The following ACR variants were observed in gnomAD, a reference collection of about 807,000 sequenced individuals.
ACR encodes acrosin.
A neutral mutation model predicts 26.0 loss-of-function variants in ACR; 17 were observed. That is an observed-to-expected ratio of 0.65 (90% confidence interval 0.45 to 0.98). The LOEUF is 0.98. Among genes scored for constraint, ACR ranks in the 50% least tolerant of loss-of-function variants. The pLI, the probability that ACR is intolerant of heterozygous loss-of-function variation, is 0.00. For missense variants in ACR, 435 were observed against 519.3 expected (o/e 0.84, Z 1.58); for synonymous variants, 199 against 207.7 (o/e 0.96, Z 0.36).
At chr22:50,743,179 G>A (rs1187746292) in intron 3 of ACR, among the ~76,000 whole-genome samples, 1 of 150,176 alleles carries the variant, frequency 6.7e-6, no homozygotes. Flanking sequence ...GGGACTACAG[G>A]CGCCCGCCAC....
Position 50,738,239 on chromosome 22 carries a change from G to A in ACR, c.4G>A (p.Val2Ile). The change falls in exon 1 of 5, where the codon GTT (valine) becomes ATT (isoleucine). Residue 2 changes from valine to isoleucine, a missense_variant. By Grantham distance (29) the Val-to-Ile change is conservative. Around this residue, in one of 3 missense-constraint regions of ACR, gnomAD observed 314 missense variants for 372.0 expected, o/e 0.84. Transcript: ENST00000216139. ...CAGGCCAGGCAGTGCCAGGAGTATG[G>A]TTGAGATGCTACCAACTGCCATTCT... M[V>I]EMLPTAILLV... 2 of 1,614,034 alleles carry A rather than the reference G, an allele frequency of 1.2e-6. No homozygotes were observed. The highest frequency in any genetic ancestry group is 1.1e-5 in the South Asian group (1 of 91,088).
At position 50,739,989 on chromosome 22, in the gene ACR, A is replaced by T. The variant is rs1053770577; in HGVS notation, c.565+12A>T. On this transcript the variant is annotated intron_variant, in intron 3 of 4. Coordinates refer to ENST00000216139, the MANE Select transcript of ACR (RefSeq NM_001097.3). This position sits in a 1 kb window ranked among gnomAD's most constrained non-coding sequence, Gnocchi z 5.5. ...TATAGAAGAGAAAGGTGAGTATGGGAGCGCCTCCAAGGGGGGACGCTGCTG... is the reference window on the plus strand; with the variant it reads ...TATAGAAGAGAAAGGTGAGTATGGGTGCGCCTCCAAGGGGGGACGCTGCTG... 6.8e-6 allele frequency: 11 copies of T among 1,612,662 alleles called. No individual in the cohort carries two copies. The highest frequency in any genetic ancestry group is 9.3e-6 in the Non-Finnish European group (11 of 1,179,966).
intron 3 of ACR, among the ~76,000 whole-genome samples, chr22:50,741,248 C>T (rs1344750616): frequency 6.6e-6 from 1 of 152,204 alleles, no homozygotes; most frequent in Non-Finnish European, 1.5e-5. Context: ...TGTCACCTCT[C>T]CTGTCCCTCA....
At position 50,739,235 on chromosome 22, in the gene ACR, A is replaced by C. The variant is rs1447534340; in HGVS notation, c.78-36A>C. ...GGAGTTACAAGGACAGGCTGTGCTCATGCCAGGTTTGAACTGTGCTCTGGT... is the reference window on the plus strand; with the variant it reads ...GGAGTTACAAGGACAGGCTGTGCTCCTGCCAGGTTTGAACTGTGCTCTGGT... On this transcript the variant is annotated intron_variant, in intron 1 of 4. Transcript: ENST00000216139. The surrounding 1 kb of genome is among the most constrained non-coding windows in gnomAD (Gnocchi z 5.5). 1 of 1,530,908 alleles carries C rather than the reference A, an allele frequency of 6.5e-7. No homozygotes were observed. Among genetic ancestry groups the C allele is most frequent in the South Asian group, 1.2e-5 (1 of 83,536 alleles). 94.8% of individuals were successfully genotyped at this position (1,530,908 alleles called of 1,614,324 possible). A position where few individuals can be genotyped will look rare whatever the true frequency, so the allele number is the denominator to read the frequency against.
At chr22:50,740,126 A>G (rs1478805844) in intron 3 of ACR, 149 bp downstream of exon 3, 2 of 1,037,254 alleles carry the variant, frequency 1.9e-6, no homozygotes, top group Non-Finnish European at 1.5e-6. Context: ...GGCCTTCCAC[A>G]GTCCCCTGTG....
Position 50,738,568 on chromosome 22 carries a change from G to A in ACR, c.77+256G>A, listed in dbSNP as rs565026706. On this transcript the variant is annotated intron_variant, in intron 1 of 4. Transcript: ENST00000216139. Reference sequence around the variant, plus strand: ...GACCCCACTGTCTTGAAGACATGAAGTCCTGATTTTGGGAGCCCTTATCCC... The same window carrying A: ...GACCCCACTGTCTTGAAGACATGAAATCCTGATTTTGGGAGCCCTTATCCC... 2.0e-5 allele frequency among the ~76,000 whole-genome samples: 3 copies of A among 151,606 alleles called. No individual in the cohort carries two copies. In the East Asian group the frequency reaches 5.8e-4, roughly 29 times the overall value.
chr22:50,739,977 G>A lies in ACR; in HGVS notation c.565G>A (p.Ala189Thr). ...CGGCTGGGGATATATAGAAGAGAAA[G>A]GTGAGTATGGGAGCGCCTCCAAGGG... ...VAGWGYIEEK[A>T]PRPSSILMEA... Residue 189 changes from alanine to threonine, a missense_variant and splice_region_variant, in exon 3 of 5, where the codon GCC becomes ACC. By Grantham distance (58) the Ala-to-Thr change is moderately conservative (BLOSUM62 0). Transcript: ENST00000216139. The surrounding 1 kb of genome is among the most constrained non-coding windows in gnomAD (Gnocchi z 5.5). 1 of 1,613,342 alleles carries A rather than the reference G, an allele frequency of 6.2e-7. No individual in the cohort carries two copies. The highest frequency in any genetic ancestry group is 8.5e-7 in the Non-Finnish European group (1 of 1,180,008).
chr22:50,739,217 C>T lies in ACR; in HGVS notation c.78-54C>T. 1.4e-6 allele frequency: 2 copies of T among 1,481,286 alleles called. No homozygotes were observed. The highest frequency in any genetic ancestry group is 1.8e-6 in the Non-Finnish European group (2 of 1,086,714). 91.8% of individuals were successfully genotyped at this position (1,481,286 alleles called of 1,614,324 possible). Reference sequence around the variant, plus strand: ...CTGCCTCCCCTCAGTTGTGGAGTTACAAGGACAGGCTGTGCTCATGCCAGG... The same window carrying T: ...CTGCCTCCCCTCAGTTGTGGAGTTATAAGGACAGGCTGTGCTCATGCCAGG... On this transcript the variant is annotated intron_variant, in intron 1 of 4. Transcript: ENST00000216139. The surrounding 1 kb of genome is among the most constrained non-coding windows in gnomAD (Gnocchi z 5.5).
At chr22:50,740,944 G>C in intron 3 of ACR, 1 of 499,494 alleles carries the variant, frequency 2.0e-6, no homozygotes, top group Non-Finnish European at 3.6e-6. Context: ...GAAGCAACAG[G>C]TGACCCCATT....
chr22:50,742,634 T>C (rs1420878495), intron 3 of ACR, among the ~76,000 whole-genome samples: 1 of 151,922 alleles, frequency 6.6e-6, no homozygotes, highest in Non-Finnish European at 1.5e-5. Flanking sequence ...CCAAGGGCAG[T>C]GCATGTACAA....
rs375672952 is a variant in ACR at position 50,742,677 on chromosome 22, G to C, written c.566-1384G>C. On this transcript the variant is annotated intron_variant, in intron 3 of 4. Coordinates refer to ENST00000216139, the MANE Select transcript of ACR (RefSeq NM_001097.3). ...ACTGCTGCTTGGATGGTAAGAAAAG[G>C]TGGGGGCTAAGGGGATTAAAAAACG... 8.3e-4 allele frequency among the ~76,000 whole-genome samples: 127 copies of C among 152,168 alleles called. 1 individual carries two copies. The highest frequency in any genetic ancestry group is 6.8e-3 in the Middle Eastern group (2 of 294).
At position 50,743,176 on chromosome 22, in the gene ACR, C is replaced by T. The variant is rs1254647205; in HGVS notation, c.566-885C>T. 2.7e-5 allele frequency among the ~76,000 whole-genome samples: 4 copies of T among 150,404 alleles called. No individual in the cohort carries two copies. In the South Asian group the frequency reaches 6.3e-4, roughly 24 times the overall value. ...TCAGCCTCCCGAGTAGCTGGGACTA[C>T]AGGCGCCCGCCACCATGCCTGGCTA... On this transcript the variant is annotated intron_variant, in intron 3 of 4. Transcript: ENST00000216139.
chr22:50,742,437 G>C (rs1396810090), intron 3 of ACR, among the ~76,000 whole-genome samples: 1 of 151,580 alleles, frequency 6.6e-6, no homozygotes, highest in African/African-American at 2.4e-5. Context: ...CCAGCTACTC[G>C]GGAGGCTGAG....
In ACR at chr22:50,741,396, C is replaced by T. The variant is rs1417618537; in HGVS notation, c.565+1419C>T. Among the ~76,000 whole-genome samples, 4 of 152,076 alleles carry T rather than the reference C, an allele frequency of 2.6e-5. No individual in the cohort carries two copies. The East Asian group carries it at 7.7e-4, about 29-fold the overall frequency. On this transcript the variant is annotated intron_variant, in intron 3 of 4. Coordinates refer to ENST00000216139, the MANE Select transcript of ACR (RefSeq NM_001097.3). ...CTCTGCCCTGGCCTCTGTCCAGCCC[C>T]CTAGCCTGCCATGCTCTGTCCCCTG...
intron 3 of ACR, chr22:50,740,803 C>T (rs1009554358): frequency 5.0e-5 from 34 of 682,574 alleles, no homozygotes; most frequent in South Asian, 3.4e-4. Context: ...GAATTTCTTC[C>T]GTACCAGACC....
At chr22:50,743,913 C>G (rs1483025626) in intron 3 of ACR, 148 bp from the exon 4 acceptor site, 6 of 725,174 alleles carry the variant, frequency 8.3e-6, no homozygotes, top group Non-Finnish European at 1.4e-5. Context: ...TCTGCTCTTT[C>G]TGGTGTATAA....
chr22:50,743,253 T>A (rs1190021062), intron 3 of ACR, among the ~76,000 whole-genome samples: 1 of 151,916 alleles, frequency 6.6e-6, no homozygotes, highest in African/African-American at 2.4e-5. Flanking sequence ...GCCAGGATGG[T>A]CTCGAACTCC....
chr22:50,742,273 G>A (rs934648545), intron 3 of ACR, among the ~76,000 whole-genome samples: 2 of 151,954 alleles, frequency 1.3e-5, no homozygotes, highest in African/African-American at 2.4e-5. Context: ...GGCCGGGCGC[G>A]GTGGCTCACT....
At position 50,744,349 on chromosome 22, in the gene ACR, C is replaced by T. The variant is rs564842114; in HGVS notation, c.711+143C>T. 15 of 706,022 alleles carry T rather than the reference C, an allele frequency of 2.1e-5. No homozygotes were observed. In the East Asian group the frequency reaches 3.5e-4, roughly 17 times the overall value. The allele number at this position is 706,022 out of a possible 1,614,324, so 43.7% of individuals were successfully genotyped here. On this transcript the variant is annotated intron_variant, in intron 4 of 4. Coordinates refer to ENST00000216139, the MANE Select transcript of ACR (RefSeq NM_001097.3). ...TTCTCTAGTGACTGCTTCCCCGGTC[C>T]CTTTTCTAGCACCTACTCTCACAGT...
Sources: gnomAD v4.1 joint callset for allele counts (sites outside exome capture counted in the v4.1 genomes callset) on GRCh38, gnomAD v4.1.1 for gene constraint, gnomAD v4.1.1 regional missense constraint, Gnocchi (gnomAD v3.1) non-coding constraint, MANE v1.5 for transcripts, NCBI Gene and HGNC (gene_info 2026-07-23, HGNC 2026-07-21) for gene names.